The following FRYL variants were observed in gnomAD, a reference collection of about 807,000 sequenced individuals.
The protein encoded by FRYL is FRY like transcription coactivator, also known as protein furry homolog-like.
Under a neutral mutation model 351.2 loss-of-function variants are expected in FRYL, and 150 were observed. The ratio of observed to expected loss-of-function variants is 0.43; its 90% CI spans 0.37 to 0.49. The LOEUF is 0.49. FRYL is among the 20% of genes least tolerant of loss of function. The pLI is 0.00. For synonymous variants in FRYL, 1,153 were observed against 1,257.1 expected, an observed-to-expected ratio of 0.92 and a Z score of 1.75; for missense variants, 3,036 against 3,619.3, an observed-to-expected ratio of 0.84 and a Z score of 4.13.
intron 21 of FRYL, 129 bp from the exon 22 acceptor site, chr4:48,581,080 C>T: frequency 3.4e-6 from 2 of 585,294 alleles, no homozygotes; most frequent in Non-Finnish European, 5.8e-6. Context: ...GAGTCTCGCT[C>T]TGTCACCCAG....
At chr4:48,693,334 C>T (rs943054942) in intron 2 of FRYL, among the ~76,000 whole-genome samples, 6 of 152,074 alleles carry the variant, frequency 3.9e-5, no homozygotes, top group African/African-American at 1.4e-4. Context: ...TTGTCTCTTA[C>T]AAATGCATAC....
chr4:48,524,063 C>A (rs1402649383), intron 53 of FRYL, among the ~76,000 whole-genome samples: 3 of 152,168 alleles, frequency 2.0e-5, no homozygotes, highest in Middle Eastern at 3.4e-3. Flanking sequence ...GGATATAATC[C>A]CTACAATTTT....
In FRYL at chr4:48,715,599, A is replaced by G. The variant is rs1333409844; in HGVS notation, c.-383-4901T>C. 3.1e-4 allele frequency among the ~76,000 whole-genome samples: 47 copies of G among 151,908 alleles called. 1 individual carries two copies. Among genetic ancestry groups the G allele is most frequent in the African/African-American group, 1.1e-3 (46 of 41,418 alleles). On this transcript the variant is annotated intron_variant, in intron 1 of 63. Transcript: ENST00000358350. Reference sequence around the variant, plus strand: ...AAGGACCTCTTCAAGGAGAACTACAAACCACTGCTCAATGAAATAAAAGAG... The same window carrying G: ...AAGGACCTCTTCAAGGAGAACTACAGACCACTGCTCAATGAAATAAAAGAG...
At chr4:48,628,999 TAA>T (rs1016004448) in intron 4 of FRYL, among the ~76,000 whole-genome samples, 14 of 149,876 alleles carry the variant, frequency 9.3e-5, no homozygotes, top group Middle Eastern at 3.5e-3. Context: ...TTCATAGTAA[TAA>T]AAGTTATAGT....
intron 34 of FRYL, 117 bp from the exon 35 acceptor site, chr4:48,557,235 C>T (rs1734321328): frequency 7.8e-7 from 1 of 1,278,644 alleles, no homozygotes; most frequent in East Asian, 2.5e-5. Flanking sequence ...ATCGTTTCCA[C>T]ACTTTACAGA....
intron 57 of FRYL, 90 bp downstream of exon 57, chr4:48,512,391 A>T: frequency 9.5e-7 from 1 of 1,057,760 alleles, no homozygotes; most frequent in South Asian, 1.6e-5. Context: ...TGGTAGGAAT[A>T]TTAAAATCGG....
intron 3 of FRYL, among the ~76,000 whole-genome samples, chr4:48,675,738 G>A (rs957305830): frequency 5.3e-5 from 8 of 152,222 alleles, no homozygotes; most frequent in East Asian, 1.9e-4. Context: ...TGCACAGCAC[G>A]GGACTGGCAG....
chr4:48,722,454 T>C (rs1413061954), intron 1 of FRYL, among the ~76,000 whole-genome samples: 2 of 152,216 alleles, frequency 1.3e-5, no homozygotes, highest in Non-Finnish European at 2.9e-5. Flanking sequence ...GCTATATTTT[T>C]CCATAATTTA....
At chr4:48,575,952 T>A (rs1241844851) in intron 24 of FRYL, 78 bp downstream of exon 24, 1 of 1,219,640 alleles carries the variant, frequency 8.2e-7, no homozygotes, top group Non-Finnish European at 1.1e-6. Flanking sequence ...TTATTGTCCA[T>A]AAAAAGAAAT....
chr4:48,536,184 C>T (rs763134839), intron 47 of FRYL, among the ~76,000 whole-genome samples: 7 of 152,160 alleles, frequency 4.6e-5, no homozygotes, highest in Non-Finnish European at 1.0e-4. Flanking sequence ...CAAGTGACTA[C>T]ACAGGCAGAT....
intron 1 of FRYL, among the ~76,000 whole-genome samples, chr4:48,726,551 G>T (rs1208327458): frequency 1.3e-5 from 2 of 152,042 alleles, no homozygotes; most frequent in African/African-American, 4.8e-5. Flanking sequence ...GCATGGTGGC[G>T]TATGCCTGTA....
chr4:48,729,082 C>A (rs1259452250), intron 1 of FRYL, among the ~76,000 whole-genome samples: 1 of 152,256 alleles, frequency 6.6e-6, no homozygotes, highest in African/African-American at 2.4e-5. Flanking sequence ...CCGTGCCTGG[C>A]TCAGCAGGTC....
chr4:48,575,258 G>GT lies in FRYL; in HGVS notation c.2722-18dup. 1 of 1,611,406 alleles carries GT rather than the reference G, an allele frequency of 6.2e-7. No homozygotes were observed. Among genetic ancestry groups the GT allele is most frequent in the Non-Finnish European group, 8.5e-7 (1 of 1,177,982 alleles). ...GCCAATAATCTGGAAAAAAAATATCGTATTTGTAACAGCCACTAATGATAC... is the reference window on the plus strand; with the variant it reads ...GCCAATAATCTGGAAAAAAAATATCGTTATTTGTAACAGCCACTAATGATAC... On this transcript the variant is annotated splice_polypyrimidine_tract_variant and intron_variant, in intron 24 of 63. Coordinates refer to ENST00000358350, the MANE Select transcript of FRYL (RefSeq NM_015030.2).
chr4:48,525,946 TGA>T (rs1303207448), intron 53 of FRYL, among the ~76,000 whole-genome samples: 7 of 151,868 alleles, frequency 4.6e-5, no homozygotes, highest in Non-Finnish European at 7.4e-5. Context: ...TATATGTACA[TGA>T]GAGTTGATGA....
At chr4:48,515,626 C>T (rs1345773529) in intron 55 of FRYL, among the ~76,000 whole-genome samples, 15 of 152,074 alleles carry the variant, frequency 9.9e-5, no homozygotes, top group Admixed American at 1.3e-4. Flanking sequence ...CCCGCCTTGG[C>T]CTCCCAAAGT....
At chr4:48,631,262 G>C (rs1408604523) in intron 4 of FRYL, among the ~76,000 whole-genome samples, 1 of 152,080 alleles carries the variant, frequency 6.6e-6, no homozygotes, top group African/African-American at 2.4e-5. Flanking sequence ...TGATGGCAGA[G>C]TAGAAACATC....
chr4:48,499,774 T>C, intron 63 of FRYL, 94 bp from the exon 64 acceptor site: 1 of 1,168,138 alleles, frequency 8.6e-7, no homozygotes, highest in Admixed American at 2.1e-5. Flanking sequence ...CAACATTTCC[T>C]TGTGAATAAC....
intron 3 of FRYL, among the ~76,000 whole-genome samples, chr4:48,644,811 A>T (rs1258768847): frequency 6.6e-6 from 1 of 151,966 alleles, no homozygotes; most frequent in Non-Finnish European, 1.5e-5. Context: ...CCTAGAGAGC[A>T]AACCCAAAAT....
At chr4:48,630,151 C>T (rs1207207004) in intron 4 of FRYL, among the ~76,000 whole-genome samples, 1 of 152,010 alleles carries the variant, frequency 6.6e-6, no homozygotes, top group African/African-American at 2.4e-5. Context: ...GACAAGTCCC[C>T]CAAAAAAGAT....
Sources: gnomAD v4.1 joint callset for allele counts (sites outside exome capture counted in the v4.1 genomes callset) on GRCh38, gnomAD v4.1.1 for gene constraint, MANE v1.5 for transcripts, NCBI Gene and HGNC (gene_info 2026-07-23, HGNC 2026-07-21) for gene names.